The following CNTLN variants were observed in gnomAD, a reference collection of about 807,000 sequenced individuals.
CNTLN encodes the protein centlein.
A neutral mutation model predicts 180.0 loss-of-function variants in CNTLN; 212 were observed. The observed-to-expected ratio is 1.18, with a 90% CI of 1.05 to 1.32. The LOEUF is 1.32. Among genes scored for constraint, CNTLN ranks in the 40% most tolerant of loss-of-function variants. The pLI is 0.00. For synonymous variants in CNTLN, 722 were observed against 563.1 expected (o/e 1.28, Z -3.99); for missense variants, 2,095 against 1,610.9 (o/e 1.30, Z -5.14).
chr9:17,214,431 T>G (rs184790467), intron 2 of CNTLN, among the ~76,000 whole-genome samples: 1 of 152,366 alleles, frequency 6.6e-6, no homozygotes, highest in Admixed American at 6.5e-5. Flanking sequence ...TCTGCTGTTA[T>G]TCTGATGGGC....
At chr9:17,502,119 T>G (rs572236070) in intron 25 of CNTLN, among the ~76,000 whole-genome samples, 2 of 152,228 alleles carry the variant, frequency 1.3e-5, no homozygotes, top group South Asian at 2.1e-4. Flanking sequence ...CTTGAGATTT[T>G]CGGCTCTAAC....
In CNTLN at chr9:17,267,293, T is replaced by G. The variant is rs997937983; in HGVS notation, c.850-6440T>G. 7.9e-5 allele frequency among the ~76,000 whole-genome samples: 12 copies of G among 152,258 alleles called. No individual in the cohort carries two copies. In the East Asian group the frequency reaches 1.2e-3, roughly 15 times the overall value. Reference sequence around the variant, plus strand: ...TAAAGTATTTTATTTCTCCTTCACTTATGAAGGTTAGGTTGGCTGGATATG... The same window carrying G: ...TAAAGTATTTTATTTCTCCTTCACTGATGAAGGTTAGGTTGGCTGGATATG... On this transcript the variant is annotated intron_variant, in intron 5 of 25. Coordinates refer to ENST00000380647, the MANE Select transcript of CNTLN (RefSeq NM_017738.4).
chr9:17,354,558 C>A (rs1340588881), intron 12 of CNTLN, among the ~76,000 whole-genome samples: 1 of 152,196 alleles, frequency 6.6e-6, no homozygotes, highest in Non-Finnish European at 1.5e-5. Context: ...CACTCTGTAT[C>A]TAGCTGCTCT....
At chr9:17,293,021 C>A (rs1039818726) in intron 6 of CNTLN, among the ~76,000 whole-genome samples, 1 of 152,226 alleles carries the variant, frequency 6.6e-6, no homozygotes, top group Non-Finnish European at 1.5e-5. Flanking sequence ...TCAGGCCCCT[C>A]TTCCGGAGGG....
intron 25 of CNTLN, chr9:17,494,890 TTTTTTTTTG>T: frequency 2.7e-6 from 1 of 376,858 alleles, no homozygotes. Flanking sequence ...TTTTTTTTTT[TTTTTTTTTG>T]GTCACAGAGT....
At chr9:17,379,773 C>G (rs1825076053) in intron 13 of CNTLN, among the ~76,000 whole-genome samples, 1 of 152,292 alleles carries the variant, frequency 6.6e-6, no homozygotes, top group South Asian at 2.1e-4. Context: ...ACACCTGTTT[C>G]CTTCTGGCTG....
In CNTLN at chr9:17,457,696, A is replaced by T. The variant is rs774295387; in HGVS notation, c.3287A>T (p.Gln1096Leu). Reference sequence around the variant, plus strand: ...AGGAGCATGGATTTGGAAATGAAGCAATTGCAGTATAAACTAAAGGTGATT... The same window carrying T: ...AGGAGCATGGATTTGGAAATGAAGCTATTGCAGTATAAACTAAAGGTGATT... Reference protein sequence around the residue: ...PSRSMDLEMKQLQYKLKNATN... With the variant: ...PSRSMDLEMKLLQYKLKNATN... The change falls in exon 19 of 26, where the codon CAA becomes CTA. Residue 1096 changes from glutamine to leucine, a missense_variant. Coordinates refer to ENST00000380647, the MANE Select transcript of CNTLN (RefSeq NM_017738.4). 1 of 1,494,374 alleles carries T rather than the reference A, an allele frequency of 6.7e-7. No individual in the cohort carries two copies. The highest frequency in any genetic ancestry group is 1.5e-5 in the South Asian group (1 of 67,008). 92.6% of individuals were successfully genotyped at this position (1,494,374 alleles called of 1,614,324 possible). A position where few individuals can be genotyped will look rare whatever the true frequency, so the allele number is the denominator to read the frequency against.
At chr9:17,518,096 A>T in the CNTLN span, among the ~76,000 whole-genome samples, 2 of 118,142 alleles carry the variant, frequency 1.7e-5, no homozygotes, top group African/African-American at 6.5e-5. Context: ...AGGCTGGAGC[A>T]CAGTGGCATG....
chr9:17,412,898 A>G (rs1410981276), intron 16 of CNTLN, among the ~76,000 whole-genome samples: 1 of 152,248 alleles, frequency 6.6e-6, no homozygotes, highest in Non-Finnish European at 1.5e-5. Flanking sequence ...CAAAAGCAAT[A>G]GACTATCTCA....
intron 8 of CNTLN, among the ~76,000 whole-genome samples, chr9:17,311,972 T>C (rs1819167429): frequency 6.6e-6 from 1 of 151,200 alleles, no homozygotes; most frequent in African/African-American, 2.4e-5. Context: ...GACAGTATGG[T>C]GTTAGTATAA....
intron 16 of CNTLN, among the ~76,000 whole-genome samples, chr9:17,415,051 A>T (rs1262943144): frequency 2.0e-5 from 3 of 151,882 alleles, no homozygotes; most frequent in South Asian, 2.1e-4. Flanking sequence ...GTGCCACTGT[A>T]CTCCAGCCTG....
intron 7 of CNTLN, chr9:17,300,822 G>A (rs1400980107): frequency 4.3e-6 from 1 of 233,662 alleles, no homozygotes; most frequent in Non-Finnish European, 7.0e-6. Flanking sequence ...CACAAACCAT[G>A]TTTTTATTCC....
intron 6 of CNTLN, among the ~76,000 whole-genome samples, chr9:17,279,305 C>G (rs1344740258): frequency 6.6e-6 from 1 of 152,082 alleles, no homozygotes; most frequent in Non-Finnish European, 1.5e-5. Flanking sequence ...AACTTTTTTA[C>G]TCTTGATTTG....
At chr9:17,520,597 A>C in the CNTLN span, among the ~76,000 whole-genome samples, 1 of 152,224 alleles carries the variant, frequency 6.6e-6, no homozygotes, top group Non-Finnish European at 1.5e-5. Flanking sequence ...CAGATGACCA[A>C]ATGCAATCCA....
chr9:17,250,544 C>CAT (rs746483864), intron 5 of CNTLN, among the ~76,000 whole-genome samples: 1 of 152,050 alleles, frequency 6.6e-6, no homozygotes, highest in African/African-American at 2.4e-5. Context: ...GTAGATTGCA[C>CAT]ATATCTTTCT....
At chr9:17,327,406 G>C (rs895898736) in intron 8 of CNTLN, among the ~76,000 whole-genome samples, 1 of 150,950 alleles carries the variant, frequency 6.6e-6, no homozygotes, top group Non-Finnish European at 1.5e-5. Flanking sequence ...GGATGGTCTC[G>C]ATCTCCTGAC....
At chr9:17,365,318 C>G (rs1423919889) in intron 12 of CNTLN, among the ~76,000 whole-genome samples, 2 of 152,162 alleles carry the variant, frequency 1.3e-5, no homozygotes, top group Non-Finnish European at 2.9e-5. Context: ...CCCCTTCTGC[C>G]ATGAATGTTA....
the CNTLN span, among the ~76,000 whole-genome samples, chr9:17,528,495 C>A: frequency 1.3e-5 from 2 of 152,222 alleles, no homozygotes; most frequent in Non-Finnish European, 2.9e-5. Context: ...GTCTGAGAAA[C>A]TGTCCCACCC....
intron 15 of CNTLN, among the ~76,000 whole-genome samples, chr9:17,397,156 A>G (rs1826597614): frequency 2.0e-5 from 3 of 152,102 alleles, no homozygotes; most frequent in Non-Finnish European, 4.4e-5. Context: ...ATTCACTAAT[A>G]TACTTTTTAA....
Sources: gnomAD v4.1 joint callset for allele counts (sites outside exome capture counted in the v4.1 genomes callset) on GRCh38, gnomAD v4.1.1 for gene constraint, MANE v1.5 for transcripts, NCBI Gene and HGNC (gene_info 2026-07-23, HGNC 2026-07-21) for gene names.